TPR: variants seen among roughly 807,000 people sequenced by gnomAD.
TPR encodes translocated promoter region, nuclear basket protein, also known as nucleoprotein TPR.
Under a neutral mutation model 316.1 loss-of-function variants are expected in TPR, and 51 were observed. The ratio of observed to expected loss-of-function variants is 0.16; its 90% confidence interval spans 0.13 to 0.20. The LOEUF (loss-of-function observed/expected upper bound fraction) is 0.20, where lower values mean the gene tolerates loss of function less well. Among genes scored for constraint, TPR ranks in the 10% least tolerant of loss-of-function variants. The probability of loss-of-function intolerance (pLI) is 1.00; values close to 1 mark genes in which losing one functional copy is unlikely to be tolerated. For missense variants in TPR, 2,272 were observed against 2,754.8 expected, an observed-to-expected ratio of 0.82 and a Z score of 3.92; for synonymous variants, 981 against 914.7, an observed-to-expected ratio of 1.07 and a Z score of -1.31.
intron 40 of TPR, among the ~76,000 whole-genome samples, chr1:186,326,537 T>A (rs766112604): frequency 6.6e-6 from 1 of 152,022 alleles, no homozygotes; most frequent in Non-Finnish European, 1.5e-5. Context: ...TTTAAACAGG[T>A]GGAGTTGAAG....
At position 186,373,477 on chromosome 1, in the gene TPR, G is replaced by T; in HGVS notation, c.152-14C>A. The T allele has an allele frequency of 6.4e-7, 1 of 1,573,682 alleles. No individual in the cohort carries two copies. Among genetic ancestry groups the T allele is most frequent in the Non-Finnish European group, 8.7e-7 (1 of 1,151,432 alleles). On this transcript the variant is annotated splice_polypyrimidine_tract_variant and intron_variant, in intron 1 of 50. Transcript: ENST00000367478. Reference sequence around the variant, plus strand: ...AATACTGTTGTTCTACAGCAGACAAGCAAAAAACAAAAAACAAAATCAAAC... The same window carrying T: ...AATACTGTTGTTCTACAGCAGACAATCAAAAAACAAAAAACAAAATCAAAC...
At chr1:186,315,794 G>A (rs761486332) in intron 49 of TPR, among the ~76,000 whole-genome samples, 4 of 150,034 alleles carry the variant, frequency 2.7e-5, no homozygotes, top group Admixed American at 6.7e-5. Flanking sequence ...CAGCCACAGT[G>A]GCCTCCTTGT....
intron 14 of TPR, 112 bp downstream of exon 14, chr1:186,357,285 T>A (rs1659058271): frequency 9.8e-7 from 1 of 1,015,354 alleles, no homozygotes; most frequent in South Asian, 1.6e-5. Context: ...TGGGCTCAAA[T>A]GATACCCCAT....
intron 7 of TPR, 132 bp downstream of exon 7, chr1:186,362,156 G>C: frequency 1.4e-6 from 1 of 700,240 alleles, no homozygotes; most frequent in Non-Finnish European, 2.3e-6. Flanking sequence ...CCTAGCTACA[G>C]CATATGGAAG....
At position 186,347,328 on chromosome 1, in the gene TPR, A is replaced by C; in HGVS notation, c.2907T>G (p.Val969=). Residue 969 remains valine (V), a synonymous_variant, in exon 22 of 51, where the codon GTT becomes GTG. Coordinates refer to ENST00000367478, the MANE Select transcript of TPR (RefSeq NM_003292.3). ...TGTTCAGGGATTCTTCTAAACTAGT[A>C]ACCATTGCTTGATATTGTTCCACAT... is the stretch of plus-strand genomic sequence containing the variant. ...TSNVEQYQAM[V]TSLEESLNKE... 1 of 1,614,006 alleles carries C rather than the reference A, an allele frequency of 6.2e-7. No individual in the cohort carries two copies. Among genetic ancestry groups the C allele is most frequent in the South Asian group, 1.1e-5 (1 of 91,066 alleles).
At chr1:186,318,629 GA>G in intron 47 of TPR, 26 bp from the exon 48 acceptor site, 4 of 1,603,288 alleles carry the variant, frequency 2.5e-6, no homozygotes, top group Non-Finnish European at 3.4e-6. Context: ...ACAAGAAAAA[GA>G]ACTTTAAAAC....
At position 186,368,001 on chromosome 1, in the gene TPR, ATAAG is replaced by A. The variant is rs1246757595; in HGVS notation, c.331-23_331-20del. 28 of 1,573,648 alleles carry A rather than the reference ATAAG, an allele frequency of 1.8e-5. No homozygotes were observed. Among genetic ancestry groups the A allele is most frequent in the Non-Finnish European group, 2.4e-5 (28 of 1,150,502 alleles). On this transcript the variant is annotated intron_variant, in intron 3 of 50. Transcript: ENST00000367478. Reference sequence around the variant, plus strand: ...ATTGGCTCTGTCATATAAAGAAGTAATAAGTAAGAAAATCAAGTAGAGCAATACA... The same window carrying A: ...ATTGGCTCTGTCATATAAAGAAGTAATAAGAAAATCAAGTAGAGCAATACA...
intron 50 of TPR, 101 bp from the exon 51 acceptor site, chr1:186,314,127 G>T: frequency 8.8e-7 from 1 of 1,133,620 alleles, no homozygotes; most frequent in Non-Finnish European, 1.3e-6. Flanking sequence ...TAGGCATTGT[G>T]GATATAAAAC....
intron 13 of TPR, among the ~76,000 whole-genome samples, chr1:186,358,277 A>G (rs528010469): frequency 6.6e-6 from 1 of 152,302 alleles, no homozygotes; most frequent in Non-Finnish European, 1.5e-5. Context: ...GTAGAGGGGT[A>G]GAAATTGGAG....
intron 40 of TPR, among the ~76,000 whole-genome samples, chr1:186,326,832 T>C (rs1442688425): frequency 1.4e-5 from 2 of 147,714 alleles, no homozygotes; most frequent in African/African-American, 2.5e-5. Context: ...GTCTAATTGA[T>C]AACAAATCCT....
At position 186,312,071 on chromosome 1, in the gene TPR, GA is replaced by G; in HGVS notation, c.*1899del. ...AATATCAATATATTATATGAAAAAT[GA>G]GAACAAAACTGTTTCCTATACATTG... is the stretch of plus-strand genomic sequence containing the variant. On this transcript the variant is annotated 3_prime_UTR_variant, in exon 51 of 51. Coordinates refer to ENST00000367478, the MANE Select transcript of TPR (RefSeq NM_003292.3). 1.1e-6 allele frequency: 1 copy of G among 902,966 alleles called. No individual in the cohort carries two copies. The highest frequency in any genetic ancestry group is 1.5e-5 in the South Asian group (1 of 66,430). The allele number at this position is 902,966 out of a possible 1,614,324, so 55.9% of individuals were successfully genotyped here. A position where few individuals can be genotyped will look rare whatever the true frequency, so the allele number is the denominator to read the frequency against.
intron 16 of TPR, 25 bp downstream of exon 16, chr1:186,355,610 C>T (rs1659006169): frequency 1.2e-6 from 2 of 1,613,674 alleles, no homozygotes; most frequent in East Asian, 2.2e-5. Flanking sequence ...AAAAACCTAA[C>T]CCAGGACAAA....
rs1284062581 is a variant in TPR at position 186,314,633 on chromosome 1, C to A, written c.7032G>T (p.Gln2344His). The A allele has an allele frequency of 1.2e-6, 2 of 1,606,636 alleles. No homozygotes were observed. Among genetic ancestry groups the A allele is most frequent in the South Asian group, 2.2e-5 (2 of 89,720 alleles). Residue 2344 changes from glutamine to histidine, a missense_variant, in exon 50 of 51, where the codon CAG (glutamine) becomes CAT (histidine). Gln to His is a conservative substitution (Grantham distance 24). This residue lies in a region of TPR where 123 missense variants were observed against 142.3 expected (regional missense o/e 0.86). Transcript: ENST00000367478. ...CCAGTTATGTCAGAAATTCACCTCT[C>A]TGTCTGTTAAACTGACGACCACGGA... ...QGVRGRQFNR[Q>H]RGVSHAMGGR...
chr1:186,367,132 T>C (rs1659372954), intron 4 of TPR, among the ~76,000 whole-genome samples: 1 of 141,092 alleles, frequency 7.1e-6, no homozygotes, highest in South Asian at 2.4e-4. Flanking sequence ...AGTGACGCAA[T>C]CTTGGCTCAC....
In TPR at chr1:186,357,457, A is replaced by G. The variant is rs1178174369; in HGVS notation, c.1664T>C (p.Val555Ala). Residue 555 changes from valine (V) to alanine (A), a missense_variant, in exon 14 of 51, where the codon GTG (valine) becomes GCG (alanine). This residue lies in a region of TPR where 757 missense variants were observed against 859.8 expected (regional missense o/e 0.88). Coordinates refer to ENST00000367478, the MANE Select transcript of TPR (RefSeq NM_003292.3). ...GGTTTCCCCAAGCTCTCTAAGGGCC[A>G]CTAAGAGACGTTGATTTTGTTGTTG... ...ELQQQNQRLL[V>A]ALRELGETRE... 6.2e-7 allele frequency: 1 copy of G among 1,613,972 alleles called. No individual in the cohort carries two copies. Among genetic ancestry groups the G allele is most frequent in the African/African-American group, 1.3e-5 (1 of 74,870 alleles).
At chr1:186,340,999 T>A in intron 29 of TPR, 29 bp downstream of exon 29, 1 of 1,593,660 alleles carries the variant, frequency 6.3e-7, no homozygotes, top group Non-Finnish European at 8.5e-7. Flanking sequence ...CGTGTTTCCA[T>A]GTTTTGGAAG....
chr1:186,334,716 A>C (rs972290545), intron 35 of TPR, among the ~76,000 whole-genome samples, 183 bp from the exon 36 acceptor site: 2 of 152,176 alleles, frequency 1.3e-5, no homozygotes, highest in Non-Finnish European at 2.9e-5. Context: ...GCATCCTGAC[A>C]ATGTAAAATG....
chr1:186,327,298 T>TTATATATTTATATATAAATATATATA lies in TPR; in HGVS notation c.5889+161_5889+162insTATATATATTTATATATAAATATATA, dbSNP rs1553228008. On this transcript the variant is annotated intron_variant, in intron 40 of 50. Transcript: ENST00000367478. ...TTTATATATAATATATATAAATATA[T>TTATATATTTATATATAAATATATATA]AATATATAATATATTAAATATATAA... Among the ~76,000 whole-genome samples, 7 of 88,762 alleles carry TTATATATTTATATATAAATATATATA rather than the reference T, an allele frequency of 7.9e-5. 1 individual carries two copies. Among genetic ancestry groups the TTATATATTTATATATAAATATATATA allele is most frequent in the African/African-American group, 2.6e-4 (6 of 22,662 alleles). The allele number at this position is 88,762 out of a possible 152,430, so 58.2% of individuals were successfully genotyped here.
chr1:186,357,737 C>T, intron 13 of TPR, 114 bp from the exon 14 acceptor site: 1 of 787,974 alleles, frequency 1.3e-6, no homozygotes. Flanking sequence ...ACTTGTACTG[C>T]CTCAAATTAT....
Sources: allele counts gnomAD v4.1 joint callset (sites outside exome capture counted in the v4.1 genomes callset), GRCh38; gene constraint gnomAD v4.1.1; regional missense constraint gnomAD v4.1.1; transcripts MANE v1.5; gene names NCBI Gene and HGNC (gene_info 2026-07-23, HGNC 2026-07-21).